Variants in ATP2B4 observed in about 807,000 individuals in gnomAD.
ATP2B4 encodes the protein ATPase plasma membrane Ca2+ transporting 4.
A neutral mutation model predicts 110.3 loss-of-function variants in ATP2B4; 39 were observed. The observed-to-expected ratio is 0.35, with a 90% CI of 0.27 to 0.46. The LOEUF is 0.46. ATP2B4 is among the 20% of genes least tolerant of loss of function. The pLI is 1.00. For missense variants in ATP2B4, 1,135 were observed against 1,530.9 expected (o/e 0.74, Z 4.32); for synonymous variants, 538 against 571.7 (o/e 0.94, Z 0.84).
At chr1:203,725,746 T>A (rs1424302879) in intron 19 of ATP2B4, among the ~76,000 whole-genome samples, 4 of 152,036 alleles carry the variant, frequency 2.6e-5, no homozygotes, top group Non-Finnish European at 5.9e-5. Context: ...CTGCAGATAA[T>A]CCCTTAGTGT....
chr1:203,703,513 T>C lies in ATP2B4; in HGVS notation c.938-139T>C, dbSNP rs192072356. On this transcript the variant is annotated intron_variant, in intron 7 of 20. Coordinates refer to ENST00000357681, the MANE Select transcript of ATP2B4 (RefSeq NM_001684.5). ...AGGCAAGTTCCATGTCTAGCATGGG[T>C]TGGAAGTGGTCGGAACTGATGTCAG... The C allele has an allele frequency of 3.1e-4, 277 of 898,776 alleles. 2 individuals carry two copies. In the African/African-American group the frequency reaches 4.3e-3, roughly 14 times the overall value. The allele number at this position is 898,776 out of a possible 1,614,324, so 55.7% of individuals were successfully genotyped here.
chr1:203,643,835 C>T lies in ATP2B4; in HGVS notation c.-465+16616C>T, dbSNP rs115073246. Among the ~76,000 whole-genome samples the T allele has an allele frequency of 4.7e-3, 717 of 152,270 alleles. 9 individuals are homozygous for T. Among genetic ancestry groups the T allele is most frequent in the African/African-American group, 0.016 (677 of 41,544 alleles). On this transcript the variant is annotated intron_variant, in intron 1 of 20. Coordinates refer to ENST00000357681, the MANE Select transcript of ATP2B4 (RefSeq NM_001684.5). ...AGCGACTTGTTGGTTTTGGCTGCAG[C>T]GTTTTCACTGAGCCCACTCATCAGC...
chr1:203,709,246 C>A, intron 10 of ATP2B4, 55 bp from the exon 11 acceptor site: 3 of 1,602,958 alleles, frequency 1.9e-6, no homozygotes, highest in Non-Finnish European at 2.6e-6. Context: ...TCCCTAAGTT[C>A]TCTGCCTTGT....
intron 20 of ATP2B4, among the ~76,000 whole-genome samples, chr1:203,728,909 T>C (rs1310311434): frequency 1.3e-5 from 2 of 149,572 alleles, no homozygotes; most frequent in Non-Finnish European, 3.0e-5. Flanking sequence ...TCCAGCACTT[T>C]GGGAGGCCAA....
chr1:203,718,079 T>C (rs1376748283), intron 15 of ATP2B4, among the ~76,000 whole-genome samples: 1 of 152,176 alleles, frequency 6.6e-6, no homozygotes, highest in Non-Finnish European at 1.5e-5. Flanking sequence ...CTAAGAAGTA[T>C]GCTCTTAAGT....
At chr1:203,695,246 C>T (rs1342168847) in intron 2 of ATP2B4, among the ~76,000 whole-genome samples, 1 of 152,232 alleles carries the variant, frequency 6.6e-6, no homozygotes, top group Non-Finnish European at 1.5e-5. Context: ...GGCTCTCCAG[C>T]ACAGCAGACC....
chr1:203,651,620 G>C (rs1663998043), intron 1 of ATP2B4, among the ~76,000 whole-genome samples: 1 of 152,100 alleles, frequency 6.6e-6, no homozygotes, highest in Admixed American at 6.5e-5. Flanking sequence ...ATACTAGCTG[G>C]GCACAGTAGT....
chr1:203,676,703 C>T (rs11803875), intron 1 of ATP2B4, among the ~76,000 whole-genome samples: 2,202 of 152,158 alleles, frequency 0.014, 42 homozygotes, highest in African/African-American at 0.045. Flanking sequence ...GAGCATGAGA[C>T]GACTGAGTGG....
chr1:203,633,730 A>ATAAATAAAT (rs1429262993), intron 1 of ATP2B4, among the ~76,000 whole-genome samples: 1 of 151,486 alleles, frequency 6.6e-6, no homozygotes, highest in Non-Finnish European at 1.5e-5. Context: ...AAATAAATAA[A>ATAAATAAAT]TAAATAAATA....
intron 2 of ATP2B4, among the ~76,000 whole-genome samples, chr1:203,683,637 T>G (rs1371197156): frequency 6.6e-6 from 1 of 151,712 alleles, no homozygotes; most frequent in African/African-American, 2.4e-5. Flanking sequence ...TTCTCCTTTT[T>G]CTTTTCTTTC....
At chr1:203,680,311 A>G (rs1664965052) in intron 1 of ATP2B4, among the ~76,000 whole-genome samples, 2 of 152,120 alleles carry the variant, frequency 1.3e-5, no homozygotes, top group Admixed American at 6.5e-5. Context: ...ACAAAAGTTC[A>G]TTAAGATCAA....
In ATP2B4 at chr1:203,741,790, T is replaced by TC. The variant is rs1245816544; in HGVS notation, c.*1937dup. 7.1e-6 allele frequency: 1 copy of TC among 140,408 alleles called. No individual in the cohort carries two copies. The highest frequency in any genetic ancestry group is 2.7e-5 in the African/African-American group (1 of 37,074). 8.7% of individuals were successfully genotyped at this position (140,408 alleles called of 1,614,324 possible). A position where few individuals can be genotyped will look rare whatever the true frequency, so the allele number is the denominator to read the frequency against. On this transcript the variant is annotated 3_prime_UTR_variant, in exon 21 of 21. Transcript: ENST00000357681. ...TGTAAAACGTACATGCTTCAATAAT[T>TC]CTTTTTTGTGTCTTAAATACTCATA...
intron 20 of ATP2B4, chr1:203,728,391 A>AC (rs919974433): frequency 5.0e-5 from 14 of 281,762 alleles, no homozygotes; most frequent in African/African-American, 1.8e-4. Flanking sequence ...CCCTGCTCTC[A>AC]CCCCCCATAG....
intron 1 of ATP2B4, among the ~76,000 whole-genome samples, chr1:203,638,101 A>G (rs1158511513): frequency 1.3e-5 from 2 of 152,020 alleles, no homozygotes; most frequent in African/African-American, 2.4e-5. Flanking sequence ...TTTTAAAGAG[A>G]AAGGACAGAT....
intron 1 of ATP2B4, among the ~76,000 whole-genome samples, chr1:203,634,180 A>G (rs1663366522): frequency 6.6e-6 from 1 of 152,228 alleles, no homozygotes; most frequent in African/African-American, 2.4e-5. Flanking sequence ...CATATCCATC[A>G]CCTCACACAT....
At chr1:203,687,574 A>G (rs1665235622) in intron 2 of ATP2B4, among the ~76,000 whole-genome samples, 1 of 152,226 alleles carries the variant, frequency 6.6e-6, no homozygotes, top group Non-Finnish European at 1.5e-5. Flanking sequence ...GAAAGTGAAG[A>G]TCAGAGATAT....
chr1:203,708,471 C>T (rs1420333078), intron 10 of ATP2B4, among the ~76,000 whole-genome samples: 1 of 152,176 alleles, frequency 6.6e-6, no homozygotes, highest in African/African-American at 2.4e-5. Context: ...CAAGGCGAGA[C>T]ACCAGCACTA....
chr1:203,678,107 C>G (rs1664882355), intron 1 of ATP2B4, among the ~76,000 whole-genome samples: 1 of 152,232 alleles, frequency 6.6e-6, no homozygotes, highest in Non-Finnish European at 1.5e-5. Flanking sequence ...CTCCTGTTTC[C>G]TTTCTCCCAT....
At chr1:203,686,541 C>T (rs1372981745) in intron 2 of ATP2B4, among the ~76,000 whole-genome samples, 3 of 152,134 alleles carry the variant, frequency 2.0e-5, no homozygotes, top group African/African-American at 7.2e-5. Context: ...GTTTCAGCCC[C>T]TTCCAATGGC....
Sources: gnomAD v4.1 joint callset for allele counts (sites outside exome capture counted in the v4.1 genomes callset) on GRCh38, gnomAD v4.1.1 for gene constraint, MANE v1.5 for transcripts, NCBI Gene and HGNC (gene_info 2026-07-23, HGNC 2026-07-21) for gene names.